The following NDNF variants were observed in gnomAD, a reference collection of about 807,000 sequenced individuals.
NDNF encodes the protein neuron derived neurotrophic factor, also known as protein NDNF.
A neutral mutation model predicts 42.0 loss-of-function variants in NDNF; 16 were observed. That is an observed-to-expected ratio of 0.38 (90% CI 0.26 to 0.58). NDNF has a LOEUF of 0.58. NDNF is among the 20% of genes least tolerant of loss of function. The pLI is 0.67. For synonymous variants in NDNF, 248 were observed against 251.7 expected, an observed-to-expected ratio of 0.99 and a Z score of 0.14; for missense variants, 616 against 666.2, an observed-to-expected ratio of 0.92 and a Z score of 0.83.
chr4:121,056,108 T>C (rs956563996), intron 1 of NDNF, among the ~76,000 whole-genome samples: 12 of 152,204 alleles, frequency 7.9e-5, no homozygotes, highest in Non-Finnish European at 1.3e-4. Context: ...CCTGTGAGCC[T>C]TCCTACAAAC....
intron 1 of NDNF, 35 bp from the exon 2 acceptor site, chr4:121,045,873 G>A (rs752999024): frequency 7.5e-6 from 12 of 1,590,876 alleles, no homozygotes; most frequent in African/African-American, 1.4e-5. Flanking sequence ...TATTAGTTCT[G>A]CAGGCAGACA....
chr4:121,052,960 C>T (rs557162608), intron 1 of NDNF, among the ~76,000 whole-genome samples: 3 of 152,252 alleles, frequency 2.0e-5, no homozygotes, highest in Non-Finnish European at 2.9e-5. Context: ...TCTGCCCTGA[C>T]GAGTGGTCTC....
At chr4:121,041,468 T>A (rs1726996046) in intron 2 of NDNF, among the ~76,000 whole-genome samples, 1 of 152,174 alleles carries the variant, frequency 6.6e-6, no homozygotes, top group South Asian at 2.1e-4. Context: ...AACTCTAATG[T>A]TGGGAGTGAA....
intron 1 of NDNF, among the ~76,000 whole-genome samples, chr4:121,050,653 A>T (rs1287207936): frequency 1.3e-5 from 2 of 152,296 alleles, no homozygotes; most frequent in Non-Finnish European, 2.9e-5. Flanking sequence ...TGTTACTCTG[A>T]TACTGAAAAA....
intron 3 of NDNF, among the ~76,000 whole-genome samples, chr4:121,039,188 G>GTATATA (rs1726945307): frequency 4.5e-5 from 3 of 66,608 alleles, no homozygotes; most frequent in African/African-American, 2.3e-4. Flanking sequence ...ATGTGTGTGT[G>GTATATA]TGTGTATATA....
intron 1 of NDNF, among the ~76,000 whole-genome samples, chr4:121,059,763 T>G (rs1056012848): frequency 6.6e-6 from 1 of 152,198 alleles, no homozygotes. Context: ...GAAATCGCTC[T>G]TTTCCCGTTA....
chr4:121,050,265 A>C (rs1423220924), intron 1 of NDNF, among the ~76,000 whole-genome samples: 1 of 152,236 alleles, frequency 6.6e-6, no homozygotes, highest in Non-Finnish European at 1.5e-5. Flanking sequence ...ATGAAAATTC[A>C]TTCTTGTTAA....
chr4:121,036,652 G>A lies in NDNF; in HGVS notation c.1319C>T (p.Thr440Ile), dbSNP rs767885830. Reference protein sequence around the residue: ...MLKILATTRPTKQSFPSLPED... With the variant: ...MLKILATTRPIKQSFPSLPED... ...AGGAAGAGAGGGAAATGACTGCTTA[G>A]TAGGCCTTGTGGTAGCTAGAATTTT... The change falls in exon 4 of 4, where the codon ACT becomes ATT. Residue 440 changes from threonine to isoleucine, a missense_variant. Thr to Ile is a moderately conservative substitution (Grantham distance 89). Transcript: ENST00000379692. 10 of 1,614,044 alleles carry A rather than the reference G, an allele frequency of 6.2e-6. No individual in the cohort carries two copies. The highest frequency in any genetic ancestry group is 1.3e-5 in the African/African-American group (1 of 74,924).
Position 121,039,976 on chromosome 4 carries a change from C to T in NDNF, c.267G>A (p.Lys89=). The change falls in exon 3 of 4, where the codon AAG becomes AAA. Residue 89 remains lysine (K), a synonymous_variant. Coordinates refer to ENST00000379692, the MANE Select transcript of NDNF (RefSeq NM_024574.4). ...CCTCTGGCAGCTCCTGGAGGCTCAG[C>T]TTCCACTCCAAAGGCGCATCACAGG... The part of the protein sequence containing the change: ...VTPCDAPLEW[K]LSLQELPEDR... 1 of 1,614,122 alleles carries T rather than the reference C, an allele frequency of 6.2e-7. No individual in the cohort carries two copies. The highest frequency in any genetic ancestry group is 8.5e-7 in the Non-Finnish European group (1 of 1,179,988).
At position 121,036,138 on chromosome 4, in the gene NDNF, A is replaced by T; in HGVS notation, c.*126T>A. 1 of 776,192 alleles carries T rather than the reference A, an allele frequency of 1.3e-6. No individual in the cohort carries two copies. Among genetic ancestry groups the T allele is most frequent in the Non-Finnish European group, 2.1e-6 (1 of 475,142 alleles). 48.1% of individuals were successfully genotyped at this position (776,192 alleles called of 1,614,324 possible). On this transcript the variant is annotated 3_prime_UTR_variant, in exon 4 of 4. Coordinates refer to ENST00000379692, the MANE Select transcript of NDNF (RefSeq NM_024574.4). The stretch of plus-strand genomic sequence containing the variant: ...TAAACATCAATATACACACGTTGAT[A>T]TCCTTCCTTCCATAGTACAAGTACA...
intron 1 of NDNF, among the ~76,000 whole-genome samples, chr4:121,053,106 T>C (rs976344088): frequency 5.9e-5 from 9 of 152,184 alleles, no homozygotes; most frequent in Non-Finnish European, 1.2e-4. Flanking sequence ...CACAGTGACA[T>C]GATTATTAAG....
chr4:121,047,591 G>A (rs1727115645), intron 1 of NDNF, among the ~76,000 whole-genome samples: 1 of 152,138 alleles, frequency 6.6e-6, no homozygotes, highest in African/African-American at 2.4e-5. Flanking sequence ...TAATTGTATT[G>A]CAAGTGTAAG....
At chr4:121,044,630 C>G (rs28682447) in intron 2 of NDNF, among the ~76,000 whole-genome samples, 4,108 of 151,962 alleles carry the variant, frequency 0.027, 174 homozygotes, top group African/African-American at 0.094. Context: ...GTTTGATTCT[C>G]TCAGAATATG....
chr4:121,043,104 A>G (rs545464430), intron 2 of NDNF, among the ~76,000 whole-genome samples: 1 of 152,340 alleles, frequency 6.6e-6, no homozygotes, highest in African/African-American at 2.4e-5. Context: ...AGAGAGTGAC[A>G]ATCAGAGATG....
chr4:121,037,253 C>T lies in NDNF; in HGVS notation c.718G>A (p.Ala240Thr), dbSNP rs542131284. Residue 240 changes from alanine (A) to threonine (T), a missense_variant, in exon 4 of 4, where the codon GCA (alanine) becomes ACA (threonine). By Grantham distance (58) the Ala-to-Thr change is moderately conservative (BLOSUM62 0). Transcript: ENST00000379692. ...CTGAAGTCCAGACCAGGTTTCGGTG[C>T]CATCATAAAAGCATCATCTGCACTC... ...KLSADDAFMM[A>T]PKPGLDFSPF... is the part of the protein sequence containing the mutation. The T allele has an allele frequency of 1.4e-5, 22 of 1,614,020 alleles. No individual in the cohort carries two copies. In the South Asian group the frequency reaches 1.9e-4, roughly 14 times the overall value.
At chr4:121,039,142 T>A (rs1351502202) in intron 3 of NDNF, among the ~76,000 whole-genome samples, 1 of 30,310 alleles carries the variant, frequency 3.3e-5, no homozygotes, top group African/African-American at 6.9e-5. Context: ...TATATATATA[T>A]GTGTATATAT....
chr4:121,068,478 A>T (rs942532653), intron 1 of NDNF, among the ~76,000 whole-genome samples: 11 of 152,248 alleles, frequency 7.2e-5, no homozygotes, highest in Admixed American at 6.5e-4. Context: ...TAGAATAATC[A>T]TTCTAAAATA....
In NDNF at chr4:121,072,369, G is replaced by T. The variant is rs1256499989; in HGVS notation, c.-378C>A. On this transcript the variant is annotated 5_prime_UTR_variant, in exon 1 of 4. Coordinates refer to ENST00000379692, the MANE Select transcript of NDNF (RefSeq NM_024574.4). ...CTGGGCGGCGGGAGGATGCCGCAGC[G>T]ACCCGCGGGGCTGGCGCGGGCTTCG... The T allele has an allele frequency of 6.6e-6, 1 of 151,452 alleles. No individual in the cohort carries two copies. Among genetic ancestry groups the T allele is most frequent in the African/African-American group, 2.4e-5 (1 of 41,280 alleles). 9.4% of individuals were successfully genotyped at this position (151,452 alleles called of 1,614,324 possible).
intron 1 of NDNF, among the ~76,000 whole-genome samples, chr4:121,051,085 A>C (rs550860046): frequency 6.6e-6 from 1 of 152,168 alleles, no homozygotes; most frequent in Non-Finnish European, 1.5e-5. Flanking sequence ...GCAAATAAGT[A>C]GTAGTCCCCA....
Sources: allele counts gnomAD v4.1 joint callset (sites outside exome capture counted in the v4.1 genomes callset), GRCh38; gene constraint gnomAD v4.1.1; transcripts MANE v1.5; gene names NCBI Gene and HGNC (gene_info 2026-07-23, HGNC 2026-07-21).